Variants in RALYL observed in about 807,000 individuals in gnomAD.
RALYL encodes RALY RNA binding protein like.
Under a neutral mutation model 35.1 loss-of-function variants are expected in RALYL, and 29 were observed. The observed-to-expected ratio is 0.83, with a 90% CI of 0.61 to 1.13. RALYL has a LOEUF of 1.13. Ranked by LOEUF, RALYL falls within the 50% of genes most tolerant of loss-of-function variation. RALYL has a pLI of 0.00. For missense variants in RALYL, 359 were observed against 360.4 expected (o/e 1.00, Z 0.03); for synonymous variants, 120 against 127.6 (o/e 0.94, Z 0.40).
intron 1 of RALYL, among the ~76,000 whole-genome samples, chr8:84,223,043 C>G (rs535972148): frequency 6.6e-6 from 1 of 151,972 alleles, no homozygotes; most frequent in East Asian, 1.9e-4. Flanking sequence ...GGAAATGAGT[C>G]TTCTTATCTT....
intron 2 of RALYL, among the ~76,000 whole-genome samples, chr8:84,763,944 C>T (rs1413133817): frequency 1.3e-5 from 2 of 152,146 alleles, no homozygotes; most frequent in East Asian, 1.9e-4. Context: ...TTCATGGCCA[C>T]TTATGCTTCA....
At chr8:84,224,442 G>A (rs1372572510) in intron 1 of RALYL, among the ~76,000 whole-genome samples, 1 of 152,150 alleles carries the variant, frequency 6.6e-6, no homozygotes, top group Non-Finnish European at 1.5e-5. Context: ...GGTACTGGCT[G>A]AGAAGGATAT....
chr8:84,752,825 C>T (rs753771622), intron 2 of RALYL, among the ~76,000 whole-genome samples: 6 of 152,186 alleles, frequency 3.9e-5, no homozygotes, highest in Non-Finnish European at 7.3e-5. Flanking sequence ...TAGATTTCAA[C>T]GGATGTATGG....
intron 4 of RALYL, among the ~76,000 whole-genome samples, chr8:84,805,769 T>G (rs190137559): frequency 6.6e-6 from 1 of 152,330 alleles, no homozygotes; most frequent in African/African-American, 2.4e-5. Context: ...CATTTCAAAC[T>G]AAGAATAAGC....
chr8:84,197,005 T>TTA (rs759163418), intron 1 of RALYL, among the ~76,000 whole-genome samples: 1 of 152,216 alleles, frequency 6.6e-6, no homozygotes, highest in Non-Finnish European at 1.5e-5. Context: ...TGGTAACATC[T>TTA]TCATAGGATA....
intron 1 of RALYL, among the ~76,000 whole-genome samples, chr8:84,228,713 TTTAA>T (rs930864794): frequency 6.6e-6 from 1 of 151,870 alleles, no homozygotes; most frequent in African/African-American, 2.4e-5. Flanking sequence ...AGAAAAGAGG[TTTAA>T]TTAACTCACA....
rs1188681347 is a variant in RALYL at position 84,858,176 on chromosome 8, C to A, written c.414-4120C>A. On this transcript the variant is annotated intron_variant, in intron 5 of 8. Coordinates refer to ENST00000521268, the MANE Select transcript of RALYL (RefSeq NM_173848.7). ...AGATATTATTTAAAGCATTAAAAGG[C>A]AAAATAAGAAAAGGGTACATAGAAA... Among the ~76,000 whole-genome samples, 3 of 151,686 alleles carry A rather than the reference C, an allele frequency of 2.0e-5. No homozygotes were observed. In the South Asian group the frequency reaches 6.3e-4, roughly 32 times the overall value.
intron 2 of RALYL, among the ~76,000 whole-genome samples, chr8:84,719,452 T>C (rs1843499583): frequency 6.6e-6 from 1 of 152,188 alleles, no homozygotes; most frequent in African/African-American, 2.4e-5. Context: ...CTTTTTCTAC[T>C]GACAACCCTA....
At chr8:84,665,091 T>C (rs2131715634) in intron 2 of RALYL, among the ~76,000 whole-genome samples, 1 of 152,278 alleles carries the variant, frequency 6.6e-6, no homozygotes, top group African/African-American at 2.4e-5. Context: ...AATCATGTTG[T>C]TTTTGTCTTT....
chr8:84,854,713 A>G (rs563298358), intron 5 of RALYL, among the ~76,000 whole-genome samples: 17 of 152,360 alleles, frequency 1.1e-4, no homozygotes, highest in Admixed American at 7.8e-4. Flanking sequence ...ACGCAAAAAG[A>G]CAACACTGTG....
intron 2 of RALYL, among the ~76,000 whole-genome samples, chr8:84,701,438 C>G (rs1840173589): frequency 1.3e-5 from 2 of 152,150 alleles, no homozygotes. Context: ...ACGGAACCAT[C>G]ATAAAATTCA....
intron 2 of RALYL, among the ~76,000 whole-genome samples, chr8:84,676,230 C>T (rs1834165627): frequency 1.3e-5 from 2 of 152,150 alleles, no homozygotes; most frequent in Non-Finnish European, 2.9e-5. Context: ...CCAGGAATCA[C>T]TAATGTAGAG....
At chr8:84,696,228 G>A (rs973070515) in intron 2 of RALYL, among the ~76,000 whole-genome samples, 1 of 151,060 alleles carries the variant, frequency 6.6e-6, no homozygotes, top group Non-Finnish European at 1.5e-5. Flanking sequence ...GGGATCATAT[G>A]TTAAATCCTA....
intron 2 of RALYL, among the ~76,000 whole-genome samples, chr8:84,747,039 A>T (rs1382251033): frequency 6.6e-6 from 1 of 151,876 alleles, no homozygotes; most frequent in Non-Finnish European, 1.5e-5. Context: ...ACAAAAGATT[A>T]TTTTATCTGA....
chr8:84,579,649 C>A (rs1810376406), intron 2 of RALYL, among the ~76,000 whole-genome samples: 1 of 152,182 alleles, frequency 6.6e-6, no homozygotes, highest in South Asian at 2.1e-4. Context: ...GAATGACAAG[C>A]ATCTCAAAGT....
intron 1 of RALYL, among the ~76,000 whole-genome samples, chr8:84,211,747 TA>T (rs1401247095): frequency 1.3e-5 from 2 of 152,120 alleles, no homozygotes; most frequent in East Asian, 3.9e-4. Context: ...TAGCTGTGTA[TA>T]AATGTTTGCA....
chr8:84,232,604 A>G (rs1411751941), intron 1 of RALYL, among the ~76,000 whole-genome samples: 1 of 152,164 alleles, frequency 6.6e-6, no homozygotes, highest in African/African-American at 2.4e-5. Context: ...TCTCACCACA[A>G]AAATGGTAAC....
At position 84,310,871 on chromosome 8, in the gene RALYL, C is replaced by A. The variant is rs535757010; in HGVS notation, c.-24+126447C>A. ...GACCGTCCTGGCTAACAAGGTGAAA[C>A]CCCGTCTCTACTAAAAATACAAAAA... On this transcript the variant is annotated intron_variant, in intron 1 of 8. Coordinates refer to ENST00000521268, the MANE Select transcript of RALYL (RefSeq NM_173848.7). 5.8e-3 allele frequency among the ~76,000 whole-genome samples: 811 copies of A among 139,712 alleles called. 17 individuals carry two copies. Among genetic ancestry groups the A allele is most frequent in the Non-Finnish European group, 9.4e-3 (609 of 64,760 alleles). 91.7% of individuals were successfully genotyped at this position (139,712 alleles called of 152,430 possible).
At chr8:84,801,218 T>A (rs1823171038) in intron 3 of RALYL, among the ~76,000 whole-genome samples, 1 of 152,154 alleles carries the variant, frequency 6.6e-6, no homozygotes, top group East Asian at 1.9e-4. Context: ...CAAGATTTCC[T>A]GCCCTATTAT....
Sources: gnomAD v4.1 joint callset for allele counts (sites outside exome capture counted in the v4.1 genomes callset) on GRCh38, gnomAD v4.1.1 for gene constraint, MANE v1.5 for transcripts, NCBI Gene and HGNC (gene_info 2026-07-23, HGNC 2026-07-21) for gene names.